BPTF: variants seen among roughly 807,000 people sequenced by gnomAD.
BPTF encodes bromodomain PHD finger transcription factor, also known as nucleosome-remodeling factor subunit BPTF.
In BPTF, 18 loss-of-function variants were observed where a neutral mutation model predicts 292.5. The observed-to-expected ratio is 0.06, with a 90% CI of 0.04 to 0.09. BPTF has a LOEUF of 0.09. Among genes scored for constraint, BPTF ranks in the 10% least tolerant of loss-of-function variants. The pLI, the probability that BPTF is intolerant of heterozygous loss-of-function variation, is 1.00. For synonymous variants in BPTF, 1,225 were observed against 1,251.9 expected (o/e 0.98, Z 0.45); for missense variants, 2,726 against 3,498.7 (o/e 0.78, Z 5.57).
chr17:67,920,026 A>G lies in BPTF; in HGVS notation c.5440A>G (p.Thr1814Ala). Residue 1814 changes from threonine (T) to alanine (A), a missense_variant, in exon 13 of 28, where the codon ACT becomes GCT. Thr to Ala is a moderately conservative substitution (Grantham distance 58, BLOSUM62 0). Transcript: ENST00000306378. The part of the protein sequence containing the change: ...GGTTRTETSE[T>A]EITTTEIIKR... ...TTAAATCACCATAGAAACATCCGAA[A>G]CTGAAATCACAACAACAGAAATAAT... 6.2e-7 allele frequency: 1 copy of G among 1,610,454 alleles called. No individual in the cohort carries two copies. Among genetic ancestry groups the G allele is most frequent in the Non-Finnish European group, 8.5e-7 (1 of 1,178,126 alleles).
chr17:67,980,859 C>A lies in BPTF; in HGVS notation c.8727-1393C>A, dbSNP rs189492929. ...GAATTGAGAAGTTTGCTCAATTCTGCTTAAATAAACAAATTAGGCTGTGTG... is the reference window on the plus strand; with the variant it reads ...GAATTGAGAAGTTTGCTCAATTCTGATTAAATAAACAAATTAGGCTGTGTG... On this transcript the variant is annotated intron_variant, in intron 27 of 27. Transcript: ENST00000306378. Among the ~76,000 whole-genome samples, 12 of 152,296 alleles carry A rather than the reference C, an allele frequency of 7.9e-5. No individual in the cohort carries two copies. The East Asian group carries it at 2.1e-3, about 27-fold the overall frequency.
At chr17:67,972,487 G>A (rs192136248) in intron 26 of BPTF, among the ~76,000 whole-genome samples, 4 of 152,134 alleles carry the variant, frequency 2.6e-5, no homozygotes, top group East Asian at 3.9e-4. Context: ...CAGGTAATCC[G>A]TCCGCCTCTG....
At chr17:67,876,092 C>G (rs540165759) in intron 4 of BPTF, among the ~76,000 whole-genome samples, 1 of 152,196 alleles carries the variant, frequency 6.6e-6, no homozygotes, top group African/African-American at 2.4e-5. Context: ...CTTTCCAGTT[C>G]TGTAGATACT....
At chr17:67,935,137 A>T (rs1315378443) in intron 18 of BPTF, among the ~76,000 whole-genome samples, 2 of 152,112 alleles carry the variant, frequency 1.3e-5, no homozygotes, top group Non-Finnish European at 2.9e-5. Flanking sequence ...TTCGAAAGAA[A>T]ACAAGACCTG....
At position 67,909,756 on chromosome 17, in the gene BPTF, A is replaced by C; in HGVS notation, c.2987A>C (p.Asp996Ala). 6.4e-7 allele frequency: 1 copy of C among 1,566,640 alleles called. No homozygotes were observed. The highest frequency in any genetic ancestry group is 8.6e-7 in the Non-Finnish European group (1 of 1,161,282). Residue 996 changes from aspartate (D) to alanine (A), a missense_variant, in exon 10 of 28, where the codon GAC (aspartate) becomes GCC (alanine). Physicochemically the swap from Asp to Ala is moderately radical, Grantham distance 126. This residue lies in a region of BPTF where 713 missense variants were observed against 714.9 expected (regional missense o/e 1.00). Coordinates refer to ENST00000306378, the MANE Select transcript of BPTF (RefSeq NM_182641.4). Reference sequence around the variant, plus strand: ...ATCTCAAAGATTACTGAGAAGAAGGACCAAGGTAAGGAGAGTCAGCTGTGG... The same window carrying C: ...ATCTCAAAGATTACTGAGAAGAAGGCCCAAGGTAAGGAGAGTCAGCTGTGG... ...MDISKITEKKDQDVKELLDSD... is the reference protein window; with the variant it reads ...MDISKITEKKAQDVKELLDSD...
chr17:67,962,318 T>C (rs147449680), intron 24 of BPTF, among the ~76,000 whole-genome samples: 1 of 152,356 alleles, frequency 6.6e-6, no homozygotes, highest in East Asian at 1.9e-4. Context: ...GCCAGTCTGG[T>C]TCCCTGTGAT....
intron 17 of BPTF, among the ~76,000 whole-genome samples, chr17:67,930,493 C>T (rs778442179): frequency 5.9e-5 from 9 of 152,120 alleles, no homozygotes; most frequent in Non-Finnish European, 1.0e-4. Flanking sequence ...GCCACTGCAC[C>T]TGGCCCAGAT....
chr17:67,859,168 G>A (rs1015896846), intron 2 of BPTF, among the ~76,000 whole-genome samples: 1 of 152,008 alleles, frequency 6.6e-6, no homozygotes, highest in Non-Finnish European at 1.5e-5. Context: ...TACTTTTGGA[G>A]ACAGGGTCTC....
At chr17:67,829,825 C>T (rs1260237126) in intron 1 of BPTF, among the ~76,000 whole-genome samples, 3 of 152,134 alleles carry the variant, frequency 2.0e-5, no homozygotes, top group Non-Finnish European at 2.9e-5. Flanking sequence ...ACATTCCTAA[C>T]ATAAGAAATA....
At chr17:67,950,399 C>T (rs989288634) in intron 23 of BPTF, among the ~76,000 whole-genome samples, 2 of 152,030 alleles carry the variant, frequency 1.3e-5, no homozygotes, top group East Asian at 1.9e-4. Context: ...CAACAATCAA[C>T]GTTATTATTT....
At chr17:67,981,601 T>G in intron 27 of BPTF, 5 of 1,049,802 alleles carry the variant, frequency 4.8e-6, no homozygotes, top group Non-Finnish European at 5.8e-6. Context: ...GGTAAAAAAT[T>G]TACTCTAGCA....
chr17:67,850,368 TTTTG>T lies in BPTF; in HGVS notation c.614-3556_614-3553del, dbSNP rs200938020. On this transcript the variant is annotated intron_variant, in intron 1 of 27. Coordinates refer to ENST00000306378, the MANE Select transcript of BPTF (RefSeq NM_182641.4). The stretch of plus-strand genomic sequence containing the variant: ...TAACTTTTCTTTTGCCTCATGGTGT[TTTTG>T]TTTGTTTGTTTGTTTTCTGAGACAG... 8.2e-4 allele frequency among the ~76,000 whole-genome samples: 125 copies of T among 152,136 alleles called. 1 individual carries two copies. In the East Asian group the frequency reaches 0.013, roughly 15 times the overall value.
chr17:67,888,106 C>A (rs544909995), intron 4 of BPTF, among the ~76,000 whole-genome samples: 3 of 152,332 alleles, frequency 2.0e-5, no homozygotes, highest in Admixed American at 2.0e-4. Flanking sequence ...CACTTCCATC[C>A]TTTGGTAGCT....
chr17:67,892,248 A>T (rs2061166686), intron 5 of BPTF, among the ~76,000 whole-genome samples: 2 of 152,236 alleles, frequency 1.3e-5, no homozygotes, highest in South Asian at 4.1e-4. Flanking sequence ...AGGCATAAAA[A>T]TGCTATAAAT....
At chr17:67,935,585 A>C (rs1230827650) in intron 18 of BPTF, among the ~76,000 whole-genome samples, 1 of 152,218 alleles carries the variant, frequency 6.6e-6, no homozygotes, top group East Asian at 1.9e-4. Context: ...GGAATGAAAA[A>C]GTACAATAAA....
chr17:67,886,161 C>G, intron 4 of BPTF: 3 of 1,611,426 alleles, frequency 1.9e-6, no homozygotes, highest in Non-Finnish European at 2.5e-6. Context: ...AGCAGTAACA[C>G]TAGTGCTACC....
At chr17:67,901,772 C>T (rs574599083) in intron 7 of BPTF, among the ~76,000 whole-genome samples, 12 of 152,174 alleles carry the variant, frequency 7.9e-5, no homozygotes, top group Non-Finnish European at 1.0e-4. Flanking sequence ...GGTGTAGGAA[C>T]GCAGGGTGGC....
chr17:67,886,181 A>G, intron 4 of BPTF: 1 of 1,613,806 alleles, frequency 6.2e-7, no homozygotes, highest in Non-Finnish European at 8.5e-7. Context: ...CACTACCTCC[A>G]TCCAGCCTAA....
In BPTF at chr17:67,982,303, A is replaced by T. The variant is rs782668767; in HGVS notation, c.*15A>T. 1 of 1,604,664 alleles carries T rather than the reference A, an allele frequency of 6.2e-7. No homozygotes were observed. Among genetic ancestry groups the T allele is most frequent in the Non-Finnish European group, 8.5e-7 (1 of 1,172,670 alleles). ...CAGCTTCTTAAAGTTCAGCGTGTTA[A>T]CCTAACATAAAACACAGCAAGAATC... On this transcript the variant is annotated 3_prime_UTR_variant, in exon 28 of 28. Coordinates refer to ENST00000306378, the MANE Select transcript of BPTF (RefSeq NM_182641.4).
Sources: allele counts gnomAD v4.1 joint callset (sites outside exome capture counted in the v4.1 genomes callset), GRCh38; gene constraint gnomAD v4.1.1; regional missense constraint gnomAD v4.1.1; transcripts MANE v1.5; gene names NCBI Gene and HGNC (gene_info 2026-07-23, HGNC 2026-07-21).